WDR17: variants seen among roughly 807,000 people sequenced by gnomAD.
WDR17 encodes the protein WD repeat-containing protein 17.
Under a neutral mutation model 161.7 loss-of-function variants are expected in WDR17, and 143 were observed. The observed-to-expected ratio is 0.88, with a 90% CI of 0.77 to 1.02. The LOEUF (loss-of-function observed/expected upper bound fraction) is 1.02. WDR17 is among the 50% of genes least tolerant of loss of function. WDR17 has a pLI of 0.00. For missense variants in WDR17, 1,469 were observed against 1,520.9 expected (o/e 0.97, Z 0.57); for synonymous variants, 517 against 515.6 (o/e 1.00, Z -0.04).
chr4:176,117,039 A>G (rs186258447), intron 3 of WDR17, among the ~76,000 whole-genome samples: 4 of 152,102 alleles, frequency 2.6e-5, no homozygotes, highest in African/African-American at 9.6e-5. Context: ...TAGAACAACC[A>G]ATGTATTAGA....
chr4:176,163,089 G>A, intron 21 of WDR17, 65 bp from the exon 22 acceptor site: 1 of 1,585,328 alleles, frequency 6.3e-7, no homozygotes, highest in Non-Finnish European at 8.7e-7. Flanking sequence ...TTATGAGCTT[G>A]GAGGGGAATG....
intron 1 of WDR17, among the ~76,000 whole-genome samples, chr4:176,076,842 C>T (rs2126574578): frequency 6.6e-6 from 1 of 151,934 alleles, no homozygotes. Flanking sequence ...TTCTGCAGGC[C>T]CCAAACTCTT....
intron 1 of WDR17, among the ~76,000 whole-genome samples, chr4:176,076,408 G>GTTTTTTTTTT (rs564678477): frequency 9.1e-6 from 1 of 109,364 alleles, no homozygotes; most frequent in Non-Finnish European, 1.8e-5. Flanking sequence ...GTCGTTGTTG[G>GTTTTTTTTTT]TTTTTTTTTT....
At chr4:176,162,287 C>G (rs890889093) in intron 21 of WDR17, 113 bp downstream of exon 21, 1 of 860,146 alleles carries the variant, frequency 1.2e-6, no homozygotes, top group Non-Finnish European at 1.8e-6. Flanking sequence ...TGCATGTCTT[C>G]GAAGCCTGAG....
chr4:176,160,135 A>G lies in WDR17; in HGVS notation c.2658+9A>G, dbSNP rs748754441. The G allele has an allele frequency of 3.1e-6, 5 of 1,612,788 alleles. No individual in the cohort carries two copies. Among genetic ancestry groups the G allele is most frequent in the Admixed American group, 3.3e-5 (2 of 59,970 alleles). On this transcript the variant is annotated intron_variant, in intron 19 of 28. Coordinates refer to ENST00000508596, the MANE Select transcript of WDR17 (RefSeq NM_181265.4). Reference sequence around the variant, plus strand: ...CTCTGCTTGTTGCACAGGTAAAACCACAGAACTACCCCAGTCACATACATG... The same window carrying G: ...CTCTGCTTGTTGCACAGGTAAAACCGCAGAACTACCCCAGTCACATACATG...
At chr4:176,119,799 C>A (rs1741247115) in intron 3 of WDR17, 68 bp from the exon 4 acceptor site, 1 of 1,319,144 alleles carries the variant, frequency 7.6e-7, no homozygotes, top group Non-Finnish European at 1.1e-6. Context: ...GTAAACAGGG[C>A]AAGTAATATT....
At chr4:176,122,932 A>G (rs10003404) in intron 4 of WDR17, among the ~76,000 whole-genome samples, 4,578 of 152,232 alleles carry the variant, frequency 0.03, 194 homozygotes, top group African/African-American at 0.096. Flanking sequence ...CTGAGCTTTA[A>G]GCCTTCTTCT....
chr4:176,173,287 T>G lies in WDR17; in HGVS notation c.3265T>G (p.Trp1089Gly). The G allele has an allele frequency of 1.2e-6, 2 of 1,611,420 alleles. No homozygotes were observed. The highest frequency in any genetic ancestry group is 1.7e-6 in the Non-Finnish European group (2 of 1,178,986). The change falls in exon 25 of 29, where the codon TGG becomes GGG. Residue 1089 changes from tryptophan (W) to glycine (G), a missense_variant. Trp to Gly is a radical substitution (Grantham distance 184). Transcript: ENST00000508596. ...TCCAGAATACATCAGTAGCTCAGACTGGACTTTGGATACCATATACCCTGT... is the reference window on the plus strand; with the variant it reads ...TCCAGAATACATCAGTAGCTCAGACGGGACTTTGGATACCATATACCCTGT... ...FVKEYISSSD[W>G]TLDTIYPVLD... is the part of the protein sequence containing the mutation.
chr4:176,162,050 A>G (rs2126852181), intron 20 of WDR17, 25 bp from the exon 21 acceptor site: 2 of 1,572,616 alleles, frequency 1.3e-6, no homozygotes, highest in East Asian at 4.5e-5. Flanking sequence ...GTGTTTATAT[A>G]GAATACACAT....
At chr4:176,080,783 T>C (rs1330631544) in intron 1 of WDR17, among the ~76,000 whole-genome samples, 1 of 152,112 alleles carries the variant, frequency 6.6e-6, no homozygotes, top group Non-Finnish European at 1.5e-5. Context: ...TTTTATTTAT[T>C]GTATCTCTTT....
At chr4:176,068,489 A>G (rs11726833) in intron 1 of WDR17, 1,642 of 152,266 alleles carry the variant, frequency 0.011, 14 homozygotes, top group Non-Finnish European at 0.019. Context: ...AATCCCAGCT[A>G]CTTGGGAGGC....
chr4:176,165,953 T>C (rs1183718978), intron 22 of WDR17, among the ~76,000 whole-genome samples: 1 of 152,208 alleles, frequency 6.6e-6, no homozygotes, highest in Non-Finnish European at 1.5e-5. Flanking sequence ...GTAATCCTCC[T>C]GGCTATTAGT....
intron 1 of WDR17, among the ~76,000 whole-genome samples, chr4:176,110,612 C>A (rs1033385140): frequency 3.3e-5 from 5 of 152,126 alleles, no homozygotes; most frequent in African/African-American, 4.8e-5. Flanking sequence ...GATGAGTTTT[C>A]ATTATGATCA....
At chr4:176,090,918 C>A (rs1321594719) in intron 1 of WDR17, among the ~76,000 whole-genome samples, 1 of 152,200 alleles carries the variant, frequency 6.6e-6, no homozygotes, top group Admixed American at 6.5e-5. Flanking sequence ...GCAGCAGGAG[C>A]ATGTCCTTAA....
At chr4:176,139,540 G>A (rs1744922868) in intron 9 of WDR17, among the ~76,000 whole-genome samples, 1 of 151,882 alleles carries the variant, frequency 6.6e-6, no homozygotes, top group Non-Finnish European at 1.5e-5. Flanking sequence ...ATAGATAACT[G>A]TTTTCATCAC....
In WDR17 at chr4:176,155,833, C is replaced by T. The variant is rs552588800; in HGVS notation, c.2461-246C>T. ...CCACCTCAGCCTCCCAAAGCACTGG[C>T]TTTACAGACATCAGCCACCATGCCC... On this transcript the variant is annotated intron_variant, in intron 17 of 28. Transcript: ENST00000508596. 9.3e-5 allele frequency among the ~76,000 whole-genome samples: 14 copies of T among 151,000 alleles called. No individual in the cohort carries two copies. In the South Asian group the frequency reaches 2.9e-3, roughly 32 times the overall value.
intron 1 of WDR17, among the ~76,000 whole-genome samples, chr4:176,080,950 C>A (rs1350201885): frequency 1.4e-5 from 2 of 142,574 alleles, no homozygotes; most frequent in Admixed American, 7.0e-5. Context: ...CATTCAATAT[C>A]TTTTAATAGA....
At position 176,151,797 on chromosome 4, in the gene WDR17, T is replaced by G; in HGVS notation, c.2305-15T>G. 6 of 1,546,984 alleles carry G rather than the reference T, an allele frequency of 3.9e-6. No individual in the cohort carries two copies. The highest frequency in any genetic ancestry group is 5.2e-6 in the Non-Finnish European group (6 of 1,152,546). ...TGTCAAATTTTTTTAAATTCTATTT[T>G]CTTTTTAAAACCAGTCTGAAGCTCA... On this transcript the variant is annotated splice_polypyrimidine_tract_variant and intron_variant, in intron 16 of 28. Coordinates refer to ENST00000508596, the MANE Select transcript of WDR17 (RefSeq NM_181265.4).
At chr4:176,151,712 C>T (rs186305673) in intron 16 of WDR17, 100 bp from the exon 17 acceptor site, 387 of 1,063,616 alleles carry the variant, frequency 3.6e-4, no homozygotes, top group Non-Finnish European at 4.4e-4. Context: ...ATTTCAATTC[C>T]GCTCTATTAG....
Sources: gnomAD v4.1 joint callset for allele counts (sites outside exome capture counted in the v4.1 genomes callset) on GRCh38, gnomAD v4.1.1 for gene constraint, MANE v1.5 for transcripts, NCBI Gene and HGNC (gene_info 2026-07-23, HGNC 2026-07-21) for gene names.